Variants in LRRN2 observed in about 807,000 individuals in gnomAD.
LRRN2 encodes leucine rich repeat neuronal 2.
In LRRN2, 10 loss-of-function variants were observed where a neutral mutation model predicts 35.7. The observed-to-expected ratio is 0.28, with a 90% CI of 0.17 to 0.47. The LOEUF (loss-of-function observed/expected upper bound fraction) is 0.47. LRRN2 is among the 20% of genes least tolerant of loss of function. LRRN2 has a pLI of 0.99. For synonymous variants in LRRN2, 391 were observed against 409.6 expected, an observed-to-expected ratio of 0.95 and a Z score of 0.55; for missense variants, 731 against 940.3, an observed-to-expected ratio of 0.78 and a Z score of 2.91.
intron 1 of LRRN2, among the ~76,000 whole-genome samples, chr1:204,622,812 C>A (rs539932872): frequency 3.1e-4 from 47 of 152,252 alleles, no homozygotes; most frequent in South Asian, 1.7e-3. Context: ...GATCAGGACC[C>A]AAATCGCGGC....
At chr1:204,632,243 A>G (rs1229663908) in intron 1 of LRRN2, among the ~76,000 whole-genome samples, 1 of 152,164 alleles carries the variant, frequency 6.6e-6, no homozygotes, top group African/African-American at 2.4e-5. Flanking sequence ...CTAACAATAA[A>G]AGCAAACTTA....
chr1:204,619,719 G>T lies in LRRN2; in HGVS notation c.274C>A (p.Leu92Met), dbSNP rs1327899905. The change falls in exon 2 of 2, where the codon CTG (leucine) becomes ATG (methionine). Residue 92 changes from leucine (L) to methionine (M), a missense_variant. Physicochemically the swap from Leu to Met is conservative, Grantham distance 15 (BLOSUM62 2). Coordinates refer to ENST00000367177, the MANE Select transcript of LRRN2 (RefSeq NM_201630.2). ...VRVDQSELGY[L>M]ANLTELDLSQ... The stretch of plus-strand genomic sequence containing the variant: ...AGGTCCAGCTCTGTGAGATTGGCCA[G>T]GTAGCCCAGCTCACTCTGGTCCACA... The T allele has an allele frequency of 3.1e-6, 5 of 1,614,074 alleles. No individual in the cohort carries two copies. The highest frequency in any genetic ancestry group is 4.2e-6 in the Non-Finnish European group (5 of 1,180,002).
At chr1:204,633,182 T>C (rs910849889) in intron 1 of LRRN2, 4 of 152,350 alleles carry the variant, frequency 2.6e-5, no homozygotes, top group African/African-American at 9.6e-5. Flanking sequence ...AGGCACCATC[T>C]TGAAAGCAGA....
At chr1:204,622,469 C>T (rs918897981) in intron 1 of LRRN2, among the ~76,000 whole-genome samples, 17 of 152,298 alleles carry the variant, frequency 1.1e-4, no homozygotes, top group South Asian at 1.0e-3. Context: ...AAAACAACCG[C>T]GACTTCAAAG....
In LRRN2 at chr1:204,618,033, G is replaced by A; in HGVS notation, c.1960C>T (p.Gln654Ter). ...AGLAAHLGTG[Q>*]PRKGVGGRRP... ...CTCCCACCCACACCCTTCCTGGGTT[G>A]GCCTGTGCCAAGGTGGGCCGCTAGC... Residue 654 changes from glutamine (Q) to a stop codon, truncating the protein, a stop_gained, in exon 2 of 2, where the codon CAA (glutamine) becomes TAA (stop). Coordinates refer to ENST00000367177, the MANE Select transcript of LRRN2 (RefSeq NM_201630.2). LOFTEE classifies it high-confidence loss of function. The A allele has an allele frequency of 1.2e-6, 2 of 1,613,062 alleles. No individual in the cohort carries two copies. Among genetic ancestry groups the A allele is most frequent in the Non-Finnish European group, 1.7e-6 (2 of 1,179,554 alleles).
intron 1 of LRRN2, among the ~76,000 whole-genome samples, chr1:204,625,610 T>G (rs1667285623): frequency 6.6e-6 from 1 of 152,114 alleles, no homozygotes; most frequent in African/African-American, 2.4e-5. Context: ...CCCTTCCCAG[T>G]CAATATCCAG....
In LRRN2 at chr1:204,618,670, C is replaced by T. The variant is rs1263260973; in HGVS notation, c.1323G>A (p.Met441Ile). 6.2e-7 allele frequency: 1 copy of T among 1,603,406 alleles called. No homozygotes were observed. Residue 441 changes from methionine to isoleucine, a missense_variant, in exon 2 of 2, where the codon ATG becomes ATA. Coordinates refer to ENST00000367177, the MANE Select transcript of LRRN2 (RefSeq NM_201630.2). ...CGGCCAGTGCCCGGCAATGCAGCAC[C>T]ATGCTCTCTCCACTGGCTACCTGGA... is the stretch of plus-strand genomic sequence containing the variant. ...PSLQVASGES[M>I]VLHCRALAEP...
intron 1 of LRRN2, among the ~76,000 whole-genome samples, chr1:204,650,295 G>A (rs1227308967): frequency 1.3e-5 from 2 of 152,236 alleles, no homozygotes; most frequent in East Asian, 3.8e-4. Context: ...TTTTCCCTCA[G>A]AAGCTGATCA....
chr1:204,631,262 ATATATATATATATAT>A (rs1418844303), intron 1 of LRRN2, among the ~76,000 whole-genome samples: 486 of 37,920 alleles, frequency 0.013, 67 homozygotes, highest in African/African-American at 0.034. Flanking sequence ...TGTTCTATAT[ATATATATATATATAT>A]ATATATATAT....
chr1:204,638,402 C>CTTGTTTTTTTTTT (rs1667891603), intron 1 of LRRN2, among the ~76,000 whole-genome samples: 1 of 71,688 alleles, frequency 1.4e-5, no homozygotes, highest in African/African-American at 6.4e-5. Flanking sequence ...CAAGGTCTTC[C>CTTGTTTTTTTTTT]TTTTTTTTTT....
intron 1 of LRRN2, chr1:204,621,316 C>T (rs566798138): frequency 6.0e-6 from 1 of 167,420 alleles, no homozygotes; most frequent in East Asian, 1.9e-4. Context: ...GTTACCGTGA[C>T]ATGCCACCCC....
chr1:204,630,256 T>G (rs1477942695), intron 1 of LRRN2, among the ~76,000 whole-genome samples: 1 of 145,996 alleles, frequency 6.8e-6, no homozygotes, highest in East Asian at 2.1e-4. Context: ...GGTTTGGGTT[T>G]CCTGCCTCCA....
chr1:204,663,287 G>T (rs1404998840), intron 1 of LRRN2, among the ~76,000 whole-genome samples: 1 of 152,118 alleles, frequency 6.6e-6, no homozygotes, highest in African/African-American at 2.4e-5. Flanking sequence ...AAACTGTACC[G>T]CATCACCACC....
intron 1 of LRRN2, among the ~76,000 whole-genome samples, chr1:204,645,415 G>A (rs889765181): frequency 2.0e-4 from 30 of 152,186 alleles, no homozygotes; most frequent in Admixed American, 1.3e-4. Flanking sequence ...AATGGGCTGG[G>A]TCAGTTGCTA....
chr1:204,636,346 A>ATGAT (rs1667833793), intron 1 of LRRN2, among the ~76,000 whole-genome samples: 1 of 152,248 alleles, frequency 6.6e-6, no homozygotes, highest in African/African-American at 2.4e-5. Flanking sequence ...TAAAAGAAGG[A>ATGAT]TGATCATGGA....
chr1:204,657,970 CTTTTTT>C (rs56792483), intron 1 of LRRN2, among the ~76,000 whole-genome samples: 1 of 75,256 alleles, frequency 1.3e-5, no homozygotes, highest in African/African-American at 5.7e-5. Flanking sequence ...GCCAATGGTT[CTTTTTT>C]TTTTTTTTTT....
intron 1 of LRRN2, among the ~76,000 whole-genome samples, chr1:204,679,923 A>G (rs1558425334): frequency 6.6e-6 from 1 of 152,240 alleles, no homozygotes; most frequent in Non-Finnish European, 1.5e-5. Flanking sequence ...CCCGAAAAGG[A>G]GACAGGCAGC....
intron 1 of LRRN2, among the ~76,000 whole-genome samples, chr1:204,655,866 G>A (rs1453474212): frequency 6.6e-6 from 1 of 152,152 alleles, no homozygotes; most frequent in Non-Finnish European, 1.5e-5. Flanking sequence ...GGCCCCCAGA[G>A]CTCCACGCTC....
intron 1 of LRRN2, among the ~76,000 whole-genome samples, chr1:204,637,310 T>A (rs781682755): frequency 2.6e-5 from 4 of 152,216 alleles, no homozygotes; most frequent in Non-Finnish European, 4.4e-5. Flanking sequence ...ACCAATCAGA[T>A]CTAGCCCAAT....
Sources: gnomAD v4.1 joint callset for allele counts (sites outside exome capture counted in the v4.1 genomes callset) on GRCh38, gnomAD v4.1.1 for gene constraint, MANE v1.5 for transcripts, NCBI Gene and HGNC (gene_info 2026-07-23, HGNC 2026-07-21) for gene names.